NSF: variants seen among roughly 807,000 people sequenced by gnomAD.
NSF encodes vesicle-fusing ATPase.
NSF carries 14 observed loss-of-function variants against 50.3 expected under a neutral mutation model. The observed-to-expected ratio is 0.28, with a 90% CI of 0.18 to 0.44. The LOEUF (loss-of-function observed/expected upper bound fraction) is 0.44, where lower values mean the gene tolerates loss of function less well. Ranked by LOEUF, NSF falls within the 20% of genes least tolerant of loss-of-function variation. The pLI, the probability that NSF is intolerant of heterozygous loss-of-function variation, is 1.00. For synonymous variants in NSF, 109 were observed against 175.7 expected (o/e 0.62, Z 3.00); for missense variants, 218 against 504.3 (o/e 0.43, Z 5.44).
intron 1 of NSF, among the ~76,000 whole-genome samples, chr17:46,605,818 T>C (rs2057952133): frequency 1.7e-5 from 1 of 58,186 alleles, no homozygotes; most frequent in South Asian, 8.1e-4. Context: ...GAAATAAATA[T>C]TGGCTTTATA....
At chr17:46,710,204 A>T (rs761130387) in intron 13 of NSF, among the ~76,000 whole-genome samples, 2 of 152,154 alleles carry the variant, frequency 1.3e-5, no homozygotes, top group Admixed American at 6.5e-5. Context: ...ATGTTTTCCT[A>T]TTTATTCTGT....
intron 19 of NSF, among the ~76,000 whole-genome samples, chr17:46,754,317 A>G (rs2059212702): frequency 6.6e-6 from 1 of 151,628 alleles, no homozygotes; most frequent in African/African-American, 2.4e-5. Context: ...TTTTTCTGGG[A>G]TAGAAGAAAT....
chr17:46,626,259 T>C (rs2058098559), intron 2 of NSF, among the ~76,000 whole-genome samples: 1 of 101,210 alleles, frequency 9.9e-6, no homozygotes, highest in African/African-American at 5.4e-5. Context: ...TATTAGGATG[T>C]GAAGTAATTC....
intron 17 of NSF, among the ~76,000 whole-genome samples, chr17:46,742,507 T>G (rs2059084649): frequency 6.6e-6 from 1 of 152,184 alleles, no homozygotes; most frequent in South Asian, 2.1e-4. Flanking sequence ...AGAAATACAG[T>G]AAATATAGTA....
intron 1 of NSF, among the ~76,000 whole-genome samples, chr17:46,621,371 C>T (rs1598645797): frequency 7.4e-6 from 1 of 134,708 alleles, no homozygotes; most frequent in East Asian, 2.2e-4. Context: ...ACTGCAAGCT[C>T]CGCCTCCCGG....
chr17:46,736,249 A>G (rs558355108), intron 17 of NSF, among the ~76,000 whole-genome samples: 27 of 152,212 alleles, frequency 1.8e-4, no homozygotes, highest in Admixed American at 3.3e-4. Context: ...AATTGCCAAG[A>G]TCAGTAGGCC....
intron 15 of NSF, among the ~76,000 whole-genome samples, chr17:46,723,628 A>G (rs1336614339): frequency 6.6e-6 from 1 of 151,944 alleles, no homozygotes; most frequent in East Asian, 1.9e-4. Flanking sequence ...AACCAGCTTC[A>G]CCTCTGTGTT....
At chr17:46,718,538 T>G (rs2058797289) in intron 15 of NSF, among the ~76,000 whole-genome samples, 1 of 152,116 alleles carries the variant, frequency 6.6e-6, no homozygotes, top group East Asian at 1.9e-4. Context: ...AATTTAAAAT[T>G]TATATAAAAA....
intron 17 of NSF, among the ~76,000 whole-genome samples, chr17:46,746,750 C>T (rs1794665031): frequency 6.6e-6 from 1 of 152,112 alleles, no homozygotes; most frequent in African/African-American, 2.4e-5. Flanking sequence ...GGTTATTTGG[C>T]CTTGAACACA....
At chr17:46,755,456 A>C in intron 20 of NSF, 87 bp downstream of exon 20, 1 of 1,142,496 alleles carries the variant, frequency 8.8e-7, no homozygotes, top group Non-Finnish European at 1.3e-6. Flanking sequence ...GCTTTCCTAG[A>C]TAAGTTTGTT....
At chr17:46,678,980 A>C (rs1205708181) in intron 9 of NSF, among the ~76,000 whole-genome samples, 2 of 151,302 alleles carry the variant, frequency 1.3e-5, no homozygotes, top group Non-Finnish European at 2.9e-5. Flanking sequence ...AGCTATATAC[A>C]GTTGTGAATC....
At chr17:46,731,078 T>TC (rs2058944190) in intron 17 of NSF, among the ~76,000 whole-genome samples, 1 of 152,126 alleles carries the variant, frequency 6.6e-6, no homozygotes, top group Non-Finnish European at 1.5e-5. Context: ...TGTATGTGAG[T>TC]ATTCATAGCA....
At chr17:46,730,367 CT>C (rs1467391702) in intron 17 of NSF, among the ~76,000 whole-genome samples, 4 of 152,128 alleles carry the variant, frequency 2.6e-5, no homozygotes, top group South Asian at 4.1e-4. Context: ...GGAAGATTAA[CT>C]TCAGTGCTAT....
At chr17:46,691,657 T>C (rs1471566366) in intron 9 of NSF, among the ~76,000 whole-genome samples, 1 of 151,770 alleles carries the variant, frequency 6.6e-6, no homozygotes, top group Non-Finnish European at 1.5e-5. Context: ...ATACTAACCA[T>C]ATTTAATCCT....
At chr17:46,716,495 G>A (rs925277904) in intron 15 of NSF, among the ~76,000 whole-genome samples, 4 of 152,086 alleles carry the variant, frequency 2.6e-5, no homozygotes, top group African/African-American at 9.7e-5. Context: ...CTGACCTCAT[G>A]ATCCGCACGC....
chr17:46,707,717 C>A (rs935847337), intron 13 of NSF, among the ~76,000 whole-genome samples: 2 of 152,032 alleles, frequency 1.3e-5, no homozygotes, highest in Non-Finnish European at 2.9e-5. Flanking sequence ...GAATTTTCTT[C>A]CTTTTTAAGG....
intron 15 of NSF, among the ~76,000 whole-genome samples, chr17:46,716,474 G>C (rs914093691): frequency 6.6e-6 from 1 of 152,042 alleles, no homozygotes; most frequent in African/African-American, 2.4e-5. Flanking sequence ...AGCCAGGATG[G>C]TCTTGATCTC....
chr17:46,657,463 T>C (rs1250682726), intron 8 of NSF, among the ~76,000 whole-genome samples: 1 of 151,394 alleles, frequency 6.6e-6, no homozygotes, highest in Non-Finnish European at 1.5e-5. Flanking sequence ...CTTAGTTTCC[T>C]CATTATAAAA....
At chr17:46,744,939 C>G (rs1375208291) in intron 17 of NSF, among the ~76,000 whole-genome samples, 1 of 152,004 alleles carries the variant, frequency 6.6e-6, no homozygotes, top group Non-Finnish European at 1.5e-5. Flanking sequence ...GGCAGATAGT[C>G]ATTTTACTTA....
Sources: allele counts gnomAD v4.1 joint callset (sites outside exome capture counted in the v4.1 genomes callset), GRCh38; gene constraint gnomAD v4.1.1; transcripts MANE v1.5; gene names NCBI Gene and HGNC (gene_info 2026-07-23, HGNC 2026-07-21).